Variants in ESYT2 observed in about 807,000 individuals in gnomAD.
ESYT2 encodes the protein extended synaptotagmin-2.
A neutral mutation model predicts 107.2 loss-of-function variants in ESYT2; 54 were observed. That is an observed-to-expected ratio of 0.50 (90% CI 0.40 to 0.63). ESYT2 has a LOEUF of 0.63. Ranked by LOEUF, ESYT2 falls within the 30% of genes least tolerant of loss-of-function variation. The pLI, the probability that ESYT2 is intolerant of heterozygous loss-of-function variation, is 0.00. For missense variants in ESYT2, 1,020 were observed against 1,094.5 expected (o/e 0.93, Z 0.96); for synonymous variants, 491 against 434.1 (o/e 1.13, Z -1.63).
At chr7:158,763,046 A>C (rs763385475) in intron 10 of ESYT2, 37 bp downstream of exon 10, 1 of 1,494,408 alleles carries the variant, frequency 6.7e-7, no homozygotes, top group East Asian at 2.3e-5. Context: ...GACTGACCCC[A>C]TGCCCTCCTC....
At position 158,771,412 on chromosome 7, in the gene ESYT2, G is replaced by A. The variant is rs1051161051; in HGVS notation, c.803+1929C>T. Among the ~76,000 whole-genome samples the A allele has an allele frequency of 1.3e-4, 20 of 152,320 alleles. 1 individual carries two copies. The highest frequency in any genetic ancestry group is 2.1e-4 in the South Asian group (1 of 4,828). On this transcript the variant is annotated intron_variant, in intron 7 of 22. Coordinates refer to ENST00000275418, the MANE Select transcript of ESYT2 (RefSeq NM_001367773.1). ...CTTTGGGGGATGCCCCCATTCACTG[G>A]AATTTCCATTTCTTTGCCTTCTGTA...
intron 1 of ESYT2, among the ~76,000 whole-genome samples, chr7:158,801,465 A>G (rs1839643240): frequency 6.6e-6 from 1 of 152,240 alleles, no homozygotes; most frequent in South Asian, 2.1e-4. Context: ...CACTAAGTCA[A>G]AAATCTGCTT....
intron 20 of ESYT2, among the ~76,000 whole-genome samples, chr7:158,736,787 G>A (rs559684287): frequency 6.6e-6 from 1 of 152,230 alleles, no homozygotes; most frequent in South Asian, 2.1e-4. Context: ...GTTCTTCAGG[G>A]CCATCAGTAA....
At chr7:158,809,536 G>A (rs1182051899) in intron 1 of ESYT2, among the ~76,000 whole-genome samples, 1 of 146,562 alleles carries the variant, frequency 6.8e-6, no homozygotes, top group Non-Finnish European at 1.5e-5. Flanking sequence ...TTGTATAAAC[G>A]CTTCTCCAAA....
At position 158,745,433 on chromosome 7, in the gene ESYT2, A is replaced by T. The variant is rs534686378; in HGVS notation, c.1645-1755T>A. On this transcript the variant is annotated intron_variant, in intron 16 of 22. Coordinates refer to ENST00000275418, the MANE Select transcript of ESYT2 (RefSeq NM_001367773.1). The stretch of plus-strand genomic sequence containing the variant: ...TTAAACGCCATGCTCTTCATACCTG[A>T]TATAAGTAGTCTGAGAACTAGTAAG... Among the ~76,000 whole-genome samples the T allele has an allele frequency of 1.5e-4, 20 of 136,914 alleles. No individual in the cohort carries two copies. The East Asian group carries it at 4.3e-3, about 29-fold the overall frequency. 89.8% of individuals were successfully genotyped at this position (136,914 alleles called of 152,430 possible).
rs770119757 is a variant in ESYT2, at chr7:158,749,643, C to T, written c.1557+6G>A. 2 of 1,613,882 alleles carry T rather than the reference C, an allele frequency of 1.2e-6. No individual in the cohort carries two copies. Among genetic ancestry groups the T allele is most frequent in the Non-Finnish European group, 1.7e-6 (2 of 1,179,926 alleles). On this transcript the variant is annotated splice_donor_region_variant and intron_variant, in intron 15 of 22. Coordinates refer to ENST00000275418, the MANE Select transcript of ESYT2 (RefSeq NM_001367773.1). ...ACCAAGGCTGAGTCCAGGGCGAGCACCTTACCTTGCTCTCCTGGGCCTTGT... is the reference window on the plus strand; with the variant it reads ...ACCAAGGCTGAGTCCAGGGCGAGCATCTTACCTTGCTCTCCTGGGCCTTGT...
Position 158,732,643 on chromosome 7 carries a change from A to G in ESYT2, c.*1564T>C, listed in dbSNP as rs1836786629. ...AGCCTTGTTTATAAATTCAAACAAA[A>G]TAAGAATCTGCTAGAAGGGAGGGTG... On this transcript the variant is annotated 3_prime_UTR_variant, in exon 23 of 23. Coordinates refer to ENST00000275418, the MANE Select transcript of ESYT2 (RefSeq NM_001367773.1). 6.6e-6 allele frequency: 1 copy of G among 152,604 alleles called. No individual in the cohort carries two copies. The highest frequency in any genetic ancestry group is 2.4e-5 in the African/African-American group (1 of 41,448). 9.5% of individuals were successfully genotyped at this position (152,604 alleles called of 1,614,324 possible).
intron 4 of ESYT2, 40 bp downstream of exon 4, chr7:158,793,610 G>C: frequency 7.0e-7 from 1 of 1,434,490 alleles, no homozygotes; most frequent in Non-Finnish European, 9.8e-7. Flanking sequence ...GACATTACAC[G>C]CCATTAACCA....
At chr7:158,738,936 G>C in intron 19 of ESYT2, 87 bp downstream of exon 19, 1 of 1,290,330 alleles carries the variant, frequency 7.7e-7, no homozygotes, top group Non-Finnish European at 1.1e-6. Context: ...TGGATGTTTG[G>C]AAATCCTAAA....
intron 7 of ESYT2, among the ~76,000 whole-genome samples, chr7:158,772,350 C>A (rs1287988471): frequency 6.6e-6 from 1 of 151,974 alleles, no homozygotes; most frequent in Non-Finnish European, 1.5e-5. Context: ...CTAATTTTTC[C>A]CTAATAATGA....
chr7:158,799,783 C>A (rs1440212054), intron 1 of ESYT2, among the ~76,000 whole-genome samples: 1 of 152,120 alleles, frequency 6.6e-6, no homozygotes, highest in Non-Finnish European at 1.5e-5. Flanking sequence ...ATCCCTCTTA[C>A]AATTCTCCAG....
At chr7:158,738,338 CACACAG>C (rs1325102884) in intron 19 of ESYT2, among the ~76,000 whole-genome samples, 2,364 of 51,264 alleles carry the variant, frequency 0.046, 61 homozygotes, top group African/African-American at 0.092. Context: ...TACACACACA[CACACAG>C]ACACACACAC....
intron 16 of ESYT2, among the ~76,000 whole-genome samples, chr7:158,746,419 A>T (rs903507139): frequency 2.0e-5 from 3 of 151,536 alleles, no homozygotes; most frequent in Non-Finnish European, 4.4e-5. Flanking sequence ...CTGAGGCGGG[A>T]GGATTGCTTG....
intron 4 of ESYT2, among the ~76,000 whole-genome samples, chr7:158,790,786 G>A (rs559767374): frequency 2.5e-4 from 38 of 152,240 alleles, no homozygotes; most frequent in African/African-American, 7.5e-4. Context: ...AAATTAGTCA[G>A]GCATGGTGGC....
intron 22 of ESYT2, 67 bp downstream of exon 22, chr7:158,734,355 C>T (rs1836843239): frequency 6.2e-7 from 1 of 1,611,236 alleles, no homozygotes; most frequent in East Asian, 2.2e-5. Context: ...GGGGACACTA[C>T]CCACTGGGCG....
At chr7:158,808,367 TC>T (rs1219517796) in intron 1 of ESYT2, among the ~76,000 whole-genome samples, 1 of 152,374 alleles carries the variant, frequency 6.6e-6, no homozygotes, top group East Asian at 1.9e-4. Flanking sequence ...GCTGTCTTGA[TC>T]GTCAGCTCAA....
intron 2 of ESYT2, 100 bp downstream of exon 2, chr7:158,798,931 A>G (rs547719933): frequency 1.6e-6 from 2 of 1,213,960 alleles, no homozygotes; most frequent in African/African-American, 3.0e-5. Flanking sequence ...AGTCCAAACG[A>G]GCTCAAATAT....
rs1027859286 is a variant in ESYT2 at position 158,779,690 on chromosome 7, C to T, written c.748-6294G>A. Among the ~76,000 whole-genome samples the T allele has an allele frequency of 2.0e-5, 3 of 152,266 alleles. No homozygotes were observed. In the East Asian group the frequency reaches 5.8e-4, roughly 29 times the overall value. ...TGCTGCGGCCCCTTCTGCTCTAAAC[C>T]GTCCAATCTGCTCCTGTCTCTGATG... On this transcript the variant is annotated intron_variant, in intron 6 of 22. Transcript: ENST00000275418.
chr7:158,738,745 G>A (rs1486618743), intron 19 of ESYT2, among the ~76,000 whole-genome samples: 10 of 152,172 alleles, frequency 6.6e-5, no homozygotes, highest in Non-Finnish European at 1.5e-4. Flanking sequence ...GAGCCACCAT[G>A]CCAAGCCATA....
Sources: gnomAD v4.1 joint callset for allele counts (sites outside exome capture counted in the v4.1 genomes callset) on GRCh38, gnomAD v4.1.1 for gene constraint, MANE v1.5 for transcripts, NCBI Gene and HGNC (gene_info 2026-07-23, HGNC 2026-07-21) for gene names.